The following XRN1 variants were observed in gnomAD, a reference collection of about 807,000 sequenced individuals.
The protein encoded by XRN1 is strand-exchange protein 1 homolog.
In XRN1, 67 loss-of-function variants were observed where a neutral mutation model predicts 222.3. The observed-to-expected ratio is 0.30, with a 90% CI of 0.25 to 0.37. XRN1 has a LOEUF of 0.37. Among genes scored for constraint, XRN1 ranks in the 10% least tolerant of loss-of-function variants. The pLI, the probability that XRN1 is intolerant of heterozygous loss-of-function variation, is 1.00. For missense variants in XRN1, 1,707 were observed against 2,000.2 expected (o/e 0.85, Z 2.80); for synonymous variants, 643 against 652.4 (o/e 0.99, Z 0.22).
At chr3:142,422,343 A>T (rs978983670) in intron 8 of XRN1, among the ~76,000 whole-genome samples, 63 of 151,368 alleles carry the variant, frequency 4.2e-4, no homozygotes, top group Non-Finnish European at 7.2e-4. Context: ...AATAAATAAT[A>T]AAAAAAAGGC....
chr3:142,334,755 T>C (rs1465648860), intron 34 of XRN1, among the ~76,000 whole-genome samples: 1 of 137,146 alleles, frequency 7.3e-6, no homozygotes, highest in African/African-American at 3.0e-5. Context: ...TGTGTATATA[T>C]ATGTCTATGT....
intron 27 of XRN1, among the ~76,000 whole-genome samples, chr3:142,367,512 T>G (rs945234713): frequency 6.6e-6 from 1 of 152,094 alleles, no homozygotes; most frequent in Non-Finnish European, 1.5e-5. Context: ...TTAGCAGAGT[T>G]TGGAAACCAT....
intron 37 of XRN1, among the ~76,000 whole-genome samples, chr3:142,324,104 T>A (rs908547760): frequency 8.5e-5 from 13 of 152,100 alleles, no homozygotes; most frequent in African/African-American, 3.1e-4. Flanking sequence ...TTATTATTTT[T>A]ATTTTTTTTA....
chr3:142,306,811 TG>T lies in XRN1; in HGVS notation c.*4699del, dbSNP rs376490962. On this transcript the variant is annotated 3_prime_UTR_variant, in exon 41 of 41. Transcript: ENST00000392981. ...CAATGCAAGTTTAAAACACTTTAAT[TG>T]GCAGACAATGTAAAGATATTTAAAA... 24 of 152,618 alleles carry T rather than the reference TG, an allele frequency of 1.6e-4. No homozygotes were observed. The highest frequency in any genetic ancestry group is 5.3e-4 in the African/African-American group (22 of 41,454). The allele number at this position is 152,618 out of a possible 1,614,324, so 9.5% of individuals were successfully genotyped here.
chr3:142,414,251 G>C lies in XRN1; in HGVS notation c.1477C>G (p.His493Asp). 1 of 1,613,186 alleles carries C rather than the reference G, an allele frequency of 6.2e-7. No homozygotes were observed. The highest frequency in any genetic ancestry group is 8.5e-7 in the Non-Finnish European group (1 of 1,179,546). ...YHYAPFLSDI[H>D]NISTLKIHFE... is the part of the protein sequence containing the mutation. ...TGGATTTTGAGTGTACTGATGTTGT[G>C]TATATCAGACAGGAAAGGTGCATAA... The change falls in exon 14 of 41, where the codon CAC becomes GAC. Residue 493 changes from histidine to aspartate, a missense_variant. Coordinates refer to ENST00000392981, the MANE Select transcript of XRN1 (RefSeq NM_001282857.2).
intron 37 of XRN1, among the ~76,000 whole-genome samples, chr3:142,328,545 T>C (rs1481530880): frequency 6.6e-6 from 1 of 151,152 alleles, no homozygotes; most frequent in East Asian, 1.9e-4. Flanking sequence ...ACTTGTTTTG[T>C]GGCTTAACAT....
intron 10 of XRN1, 71 bp downstream of exon 10, chr3:142,420,945 A>G (rs772845601): frequency 4.3e-5 from 68 of 1,589,012 alleles, no homozygotes; most frequent in Non-Finnish European, 5.2e-5. Flanking sequence ...AAGAAGGAAA[A>G]TGAGAAACAA....
chr3:142,362,584 C>G (rs944948180), intron 29 of XRN1, among the ~76,000 whole-genome samples: 1 of 139,942 alleles, frequency 7.1e-6, no homozygotes, highest in Non-Finnish European at 1.6e-5. Context: ...CTTCGTCCCC[C>G]CTACCCCCGC....
At chr3:142,442,512 G>A (rs1247017127) in intron 1 of XRN1, among the ~76,000 whole-genome samples, 3 of 152,114 alleles carry the variant, frequency 2.0e-5, no homozygotes, top group Non-Finnish European at 2.9e-5. Flanking sequence ...GCTAGCCACC[G>A]AAGAAAGAAA....
chr3:142,432,213 TTATATATATAATTAATTA>T (rs2069650956), intron 2 of XRN1, among the ~76,000 whole-genome samples: 1 of 106,446 alleles, frequency 9.4e-6, no homozygotes, highest in Non-Finnish European at 2.1e-5. Flanking sequence ...ATATAATTAA[TTATATATATAATTAATTA>T]TATATATATA....
At chr3:142,338,893 G>A (rs1161877302) in intron 33 of XRN1, among the ~76,000 whole-genome samples, 1 of 152,184 alleles carries the variant, frequency 6.6e-6, no homozygotes, top group African/African-American at 2.4e-5. Context: ...GAGTGGGAAG[G>A]GTAGTGGCTC....
At chr3:142,436,214 T>A (rs1353159034) in intron 1 of XRN1, among the ~76,000 whole-genome samples, 1 of 152,130 alleles carries the variant, frequency 6.6e-6, no homozygotes, top group African/African-American at 2.4e-5. Flanking sequence ...TTTTCCCACA[T>A]TAGTAAAAAT....
At chr3:142,392,119 C>T (rs576887568) in intron 20 of XRN1, among the ~76,000 whole-genome samples, 3 of 152,170 alleles carry the variant, frequency 2.0e-5, no homozygotes, top group Middle Eastern at 3.4e-3. Flanking sequence ...TGTTTTCATA[C>T]CATGCACCCT....
intron 23 of XRN1, 148 bp from the exon 24 acceptor site, chr3:142,376,742 CCT>C: frequency 1.6e-6 from 1 of 635,946 alleles, no homozygotes; most frequent in South Asian, 2.4e-5. Flanking sequence ...ATCCATTTCC[CCT>C]TTTTTTTGAA....
intron 37 of XRN1, among the ~76,000 whole-genome samples, chr3:142,323,962 T>C (rs2065438354): frequency 6.6e-6 from 1 of 152,102 alleles, no homozygotes; most frequent in Non-Finnish European, 1.5e-5. Flanking sequence ...CAATGTATAA[T>C]GATCAAATCA....
intron 33 of XRN1, among the ~76,000 whole-genome samples, chr3:142,344,109 T>A (rs924438122): frequency 2.5e-5 from 2 of 81,514 alleles, no homozygotes; most frequent in Non-Finnish European, 2.4e-5. Context: ...GGGGGAGGGG[T>A]GGGAAGTGGG....
At chr3:142,408,991 T>A (rs985336402) in intron 15 of XRN1, among the ~76,000 whole-genome samples, 2 of 152,238 alleles carry the variant, frequency 1.3e-5, no homozygotes, top group Non-Finnish European at 2.9e-5. Context: ...TTGTATATCT[T>A]GCCTTGTGAA....
intron 1 of XRN1, among the ~76,000 whole-genome samples, chr3:142,434,387 C>T (rs2069775262): frequency 6.6e-6 from 1 of 151,900 alleles, no homozygotes; most frequent in Admixed American, 6.6e-5. Flanking sequence ...CCAGGTTGGT[C>T]TTGAATTCCC....
chr3:142,373,277 G>T (rs1025155244), intron 25 of XRN1, among the ~76,000 whole-genome samples: 3 of 151,950 alleles, frequency 2.0e-5, no homozygotes, highest in Admixed American at 2.0e-4. Flanking sequence ...AAACAATAAA[G>T]TTGAATGAAT....
Sources: allele counts gnomAD v4.1 joint callset (sites outside exome capture counted in the v4.1 genomes callset), GRCh38; gene constraint gnomAD v4.1.1; transcripts MANE v1.5; gene names NCBI Gene and HGNC (gene_info 2026-07-23, HGNC 2026-07-21).